The following PPME1 variants were observed in gnomAD, a reference collection of about 807,000 sequenced individuals.
PPME1 encodes protein phosphatase methylesterase 1, also known as testicular secretory protein Li 39.
PPME1 carries 17 observed loss-of-function variants against 56.9 expected under a neutral mutation model. That is an observed-to-expected ratio of 0.30 (90% CI 0.20 to 0.45). PPME1 has a LOEUF of 0.45. PPME1 is among the 20% of genes least tolerant of loss of function. The probability of loss-of-function intolerance (pLI) is 1.00; values close to 1 mark genes in which losing one functional copy is unlikely to be tolerated. For missense variants in PPME1, 357 were observed against 483.2 expected, an observed-to-expected ratio of 0.74 and a Z score of 2.45; for synonymous variants, 122 against 156.2, an observed-to-expected ratio of 0.78 and a Z score of 1.63.
rs191707194 is a variant in PPME1, at chr11:74,204,241, C to T, written c.196-112C>T. 4 of 751,094 alleles carry T rather than the reference C, an allele frequency of 5.3e-6. No individual in the cohort carries two copies. In the Admixed American group the frequency reaches 9.9e-5, roughly 19 times the overall value. The allele number at this position is 751,094 out of a possible 1,614,324, so 46.5% of individuals were successfully genotyped here. On this transcript the variant is annotated intron_variant, in intron 2 of 13. Coordinates refer to ENST00000328257, the MANE Select transcript of PPME1 (RefSeq NM_016147.3). ...CAGAAAAGTCTGCTTACATCTCTTA[C>T]ATTTGGCAGTCTGCAGTTTTGCATG...
At chr11:74,250,915 T>G (rs1169820289) in intron 11 of PPME1, 39 bp from the exon 12 acceptor site, 2 of 1,530,036 alleles carry the variant, frequency 1.3e-6, no homozygotes, top group East Asian at 4.7e-5. Flanking sequence ...AGAGGGCTCT[T>G]TTAGTCGCTG....
intron 3 of PPME1, chr11:74,205,723 A>G (rs2135626546): frequency 6.6e-6 from 1 of 152,346 alleles, no homozygotes; most frequent in Non-Finnish European, 1.5e-5. Flanking sequence ...ATATTCAACC[A>G]CTATTAAATG....
chr11:74,235,967 G>A lies in PPME1; in HGVS notation c.710+1G>A, dbSNP rs1425660127. ...TCTCAATGGTTGGCCAAGTCAAACA[G>A]TAGGTCTTACTCTTCCCCCTTGGTC... On this transcript the variant is annotated splice_donor_variant, in intron 8 of 13. Coordinates refer to ENST00000328257, the MANE Select transcript of PPME1 (RefSeq NM_016147.3). LOFTEE classifies it high-confidence loss of function. 6.2e-7 allele frequency: 1 copy of A among 1,611,728 alleles called. No individual in the cohort carries two copies. Among genetic ancestry groups the A allele is most frequent in the Non-Finnish European group, 8.5e-7 (1 of 1,179,072 alleles).
At chr11:74,181,767 G>A (rs1386986595) in intron 1 of PPME1, among the ~76,000 whole-genome samples, 1 of 152,148 alleles carries the variant, frequency 6.6e-6, no homozygotes, top group Non-Finnish European at 1.5e-5. Context: ...CCAGGAATCA[G>A]CAAACATTTT....
chr11:74,204,985 T>C (rs1433392275), intron 3 of PPME1: 2 of 152,516 alleles, frequency 1.3e-5, no homozygotes, highest in Non-Finnish European at 1.5e-5. Flanking sequence ...TTTAATGGGA[T>C]ATGACAAGAA....
intron 3 of PPME1, among the ~76,000 whole-genome samples, chr11:74,208,401 T>TA (rs1423668992): frequency 6.6e-6 from 1 of 152,182 alleles, no homozygotes; most frequent in Non-Finnish European, 1.5e-5. Context: ...CCAGGCATCG[T>TA]ACAGGTGCTG....
At chr11:74,173,101 C>T (rs1565371938) in intron 1 of PPME1, among the ~76,000 whole-genome samples, 1 of 152,028 alleles carries the variant, frequency 6.6e-6, no homozygotes, top group Admixed American at 6.6e-5. Context: ...GAGAGATAGA[C>T]GCACAATAGA....
chr11:74,212,838 G>A (rs1472386009), intron 3 of PPME1, among the ~76,000 whole-genome samples: 2 of 152,122 alleles, frequency 1.3e-5, no homozygotes, highest in Non-Finnish European at 2.9e-5. Context: ...TGAATAATCA[G>A]CAACAGTATT....
At chr11:74,183,316 A>G (rs1260877732) in intron 1 of PPME1, among the ~76,000 whole-genome samples, 1 of 152,142 alleles carries the variant, frequency 6.6e-6, no homozygotes, top group Non-Finnish European at 1.5e-5. Flanking sequence ...CAACAACAAA[A>G]AAAGTAAGAT....
chr11:74,247,483 GTTTTTTTTT>G lies in PPME1; in HGVS notation c.1009+374_1009+382del, dbSNP rs761820906. On this transcript the variant is annotated intron_variant, in intron 11 of 13. Transcript: ENST00000328257. Reference sequence around the variant, plus strand: ...CTACTGATCAGTTTTTTGTTTGTGGGTTTTTTTTTTTTTTTTTTTTTTGAATTGGAGTCT... The same window carrying G: ...CTACTGATCAGTTTTTTGTTTGTGGGTTTTTTTTTTTTTGAATTGGAGTCT... The G allele has an allele frequency of 1.0e-3, 119 of 119,102 alleles. 1 individual carries two copies. Among genetic ancestry groups the G allele is most frequent in the Middle Eastern group, 4.1e-3 (1 of 246 alleles). 7.4% of individuals were successfully genotyped at this position (119,102 alleles called of 1,614,324 possible).
chr11:74,205,343 G>A (rs924397166), intron 3 of PPME1: 20 of 152,142 alleles, frequency 1.3e-4, no homozygotes, highest in African/African-American at 4.6e-4. Flanking sequence ...TTGACTCTGG[G>A]GTGGGACAGC....
intron 5 of PPME1, among the ~76,000 whole-genome samples, chr11:74,226,365 A>G (rs574707303): frequency 6.6e-6 from 1 of 152,316 alleles, no homozygotes; most frequent in African/African-American, 2.4e-5. Context: ...ATGATCATTC[A>G]ACTATAGTCC....
At chr11:74,206,302 T>A (rs1038463419) in intron 3 of PPME1, among the ~76,000 whole-genome samples, 11 of 152,204 alleles carry the variant, frequency 7.2e-5, no homozygotes, top group African/African-American at 2.7e-4. Flanking sequence ...CTTCCATCTT[T>A]CTATTTTCTA....
chr11:74,201,227 G>A (rs898835034), intron 1 of PPME1, among the ~76,000 whole-genome samples: 1 of 151,928 alleles, frequency 6.6e-6, no homozygotes, highest in Admixed American at 6.6e-5. Context: ...TGCCCGCCTC[G>A]GCCTCCCAAA....
rs184876498 is a variant in PPME1, at chr11:74,236,063, C to T, written c.710+97C>T. On this transcript the variant is annotated intron_variant, in intron 8 of 13. Transcript: ENST00000328257. ...TTGTCTTACACCAATTCTACCATTC[C>T]GGTAAATGCCTTTATTATTTTAAAT... The T allele has an allele frequency of 4.2e-3, 6,329 of 1,494,902 alleles. 68 individuals carry two copies. The highest frequency in any genetic ancestry group is 0.033 in the Middle Eastern group (190 of 5,744). 92.6% of individuals were successfully genotyped at this position (1,494,902 alleles called of 1,614,324 possible).
At chr11:74,227,205 A>G (rs902151527) in intron 5 of PPME1, among the ~76,000 whole-genome samples, 1 of 152,188 alleles carries the variant, frequency 6.6e-6, no homozygotes, top group African/African-American at 2.4e-5. Context: ...GTGTTTCTCT[A>G]GCACCCTCCA....
At chr11:74,213,723 A>G (rs890869879) in intron 3 of PPME1, among the ~76,000 whole-genome samples, 1 of 152,246 alleles carries the variant, frequency 6.6e-6, no homozygotes, top group Non-Finnish European at 1.5e-5. Flanking sequence ...ATCTTATCCA[A>G]CACCACCAAA....
At position 74,253,994 on chromosome 11, in the gene PPME1, T is replaced by G. The variant is rs1859771203; in HGVS notation, c.*484T>G. ...AATAAAACACTAGTCAGGTACCGTTTTATCCCAGTCGTACTCTTCCAGGTT... is the reference window on the plus strand; with the variant it reads ...AATAAAACACTAGTCAGGTACCGTTGTATCCCAGTCGTACTCTTCCAGGTT... On this transcript the variant is annotated 3_prime_UTR_variant, in exon 14 of 14. Transcript: ENST00000328257. 6.1e-6 allele frequency: 1 copy of G among 163,724 alleles called. No individual in the cohort carries two copies. The allele number at this position is 163,724 out of a possible 1,614,324, so 10.1% of individuals were successfully genotyped here. A position where few individuals can be genotyped will look rare whatever the true frequency, so the allele number is the denominator to read the frequency against.
At chr11:74,199,934 T>G (rs529321920) in intron 1 of PPME1, among the ~76,000 whole-genome samples, 4 of 152,272 alleles carry the variant, frequency 2.6e-5, no homozygotes, top group African/African-American at 9.6e-5. Context: ...CATGATTCAA[T>G]TATCTCCAAC....
Sources: gnomAD v4.1 joint callset for allele counts (sites outside exome capture counted in the v4.1 genomes callset) on GRCh38, gnomAD v4.1.1 for gene constraint, MANE v1.5 for transcripts, NCBI Gene and HGNC (gene_info 2026-07-23, HGNC 2026-07-21) for gene names.